The following HSPBAP1 variants were observed in gnomAD, a reference collection of about 807,000 sequenced individuals.
HSPBAP1 encodes the protein HSPB1 associated protein 1, also known as HSPB1-associated protein 1.
HSPBAP1 carries 27 observed loss-of-function variants against 45.2 expected under a neutral mutation model. The ratio of observed to expected loss-of-function variants is 0.60; its 90% CI spans 0.44 to 0.82. The LOEUF (loss-of-function observed/expected upper bound fraction) is 0.82. Among genes scored for constraint, HSPBAP1 ranks in the 40% least tolerant of loss-of-function variants. The pLI is 0.00. For synonymous variants in HSPBAP1, 204 were observed against 202.7 expected, an observed-to-expected ratio of 1.01 and a Z score of -0.06; for missense variants, 510 against 590.9, an observed-to-expected ratio of 0.86 and a Z score of 1.42.
At chr3:122,749,811 C>T (rs760538987) in intron 6 of HSPBAP1, among the ~76,000 whole-genome samples, 4 of 151,892 alleles carry the variant, frequency 2.6e-5, no homozygotes, top group Non-Finnish European at 4.4e-5. Flanking sequence ...GGGGTTTCAC[C>T]ATGTTGGCCA....
intron 6 of HSPBAP1, among the ~76,000 whole-genome samples, chr3:122,747,982 C>T (rs902301671): frequency 3.9e-5 from 6 of 152,132 alleles, no homozygotes; most frequent in Non-Finnish European, 5.9e-5. Context: ...GGATGGTTGC[C>T]GTGTCTGTGT....
intron 6 of HSPBAP1, among the ~76,000 whole-genome samples, chr3:122,747,894 A>G (rs1013232392): frequency 6.6e-6 from 1 of 152,188 alleles, no homozygotes. Context: ...CCAACAGCTC[A>G]TTGAGAACGG....
chr3:122,741,896 G>A (rs908453328), intron 6 of HSPBAP1: 1 of 152,072 alleles, frequency 6.6e-6, no homozygotes, highest in African/African-American at 2.4e-5. Context: ...GACATTGAGA[G>A]ACAAAAGTCT....
At chr3:122,777,951 T>C (rs1576267240) in intron 1 of HSPBAP1, 45 bp from the exon 2 acceptor site, 1 of 1,338,850 alleles carries the variant, frequency 7.5e-7, no homozygotes, top group Non-Finnish European at 1.0e-6. Flanking sequence ...AACTATCAAG[T>C]TTTTTCATAC....
At position 122,777,757 on chromosome 3, in the gene HSPBAP1, T is replaced by C. The variant is rs1479829701; in HGVS notation, c.214A>G (p.Ile72Val). Reference protein sequence around the residue: ...YLSQVLHGKQIRFRMGMKSMS... With the variant: ...YLSQVLHGKQVRFRMGMKSMS... ...CTTTTCATCCCCATTCTGAATCGTATCTGCTTGCCATGAAGGACCTGCGAA... is the reference window on the plus strand; with the variant it reads ...CTTTTCATCCCCATTCTGAATCGTACCTGCTTGCCATGAAGGACCTGCGAA... Residue 72 changes from isoleucine (I) to valine (V), a missense_variant, in exon 2 of 8, where the codon ATA becomes GTA. Coordinates refer to ENST00000306103, the MANE Select transcript of HSPBAP1 (RefSeq NM_024610.6). The C allele has an allele frequency of 1.2e-5, 19 of 1,613,932 alleles. No individual in the cohort carries two copies. Among genetic ancestry groups the C allele is most frequent in the Non-Finnish European group, 1.5e-5 (18 of 1,179,962 alleles).
At chr3:122,790,141 CA>C (rs1935779097) in intron 1 of HSPBAP1, among the ~76,000 whole-genome samples, 1 of 152,216 alleles carries the variant, frequency 6.6e-6, no homozygotes, top group Non-Finnish European at 1.5e-5. Flanking sequence ...GGATTACAGG[CA>C]TGCACCAGCA....
chr3:122,756,892 C>T (rs1422226684), intron 4 of HSPBAP1, among the ~76,000 whole-genome samples: 2 of 152,030 alleles, frequency 1.3e-5, no homozygotes, highest in Non-Finnish European at 1.5e-5. Flanking sequence ...TGATATGCTT[C>T]GAATGTTAGA....
At chr3:122,747,524 TCGGAGGGAGG>T (rs1933931876) in intron 6 of HSPBAP1, among the ~76,000 whole-genome samples, 1 of 130,516 alleles carries the variant, frequency 7.7e-6, no homozygotes, top group Non-Finnish European at 1.6e-5. Context: ...CCGCCCCGTC[TCGGAGGGAGG>T]TGGGGGTCAG....
chr3:122,747,845 G>T (rs1358935667), intron 6 of HSPBAP1, among the ~76,000 whole-genome samples: 1 of 152,076 alleles, frequency 6.6e-6, no homozygotes, highest in Non-Finnish European at 1.5e-5. Context: ...GAAGTGAGGA[G>T]CCCCTGTGCC....
intron 6 of HSPBAP1, among the ~76,000 whole-genome samples, chr3:122,747,891 C>T (rs1342777491): frequency 6.6e-6 from 1 of 152,178 alleles, no homozygotes; most frequent in Admixed American, 6.5e-5. Flanking sequence ...TACCCAACAG[C>T]TCATTGAGAA....
intron 6 of HSPBAP1, among the ~76,000 whole-genome samples, 168 bp downstream of exon 6, chr3:122,752,423 C>A (rs537712446): frequency 1.4e-4 from 21 of 152,176 alleles, no homozygotes; most frequent in Non-Finnish European, 2.2e-4. Flanking sequence ...ACCTAAACAT[C>A]CATTAACAGA....
At chr3:122,788,103 T>C (rs1050008670) in intron 1 of HSPBAP1, among the ~76,000 whole-genome samples, 1 of 152,174 alleles carries the variant, frequency 6.6e-6, no homozygotes, top group African/African-American at 2.4e-5. Context: ...AAGTTCAGGC[T>C]GGGCACCTGA....
intron 6 of HSPBAP1, among the ~76,000 whole-genome samples, chr3:122,750,263 G>A (rs1013467538): frequency 1.3e-5 from 2 of 152,212 alleles, no homozygotes; most frequent in African/African-American, 2.4e-5. Flanking sequence ...GTAAGCCACC[G>A]TGCCCGGCCT....
intron 6 of HSPBAP1, among the ~76,000 whole-genome samples, chr3:122,744,387 G>C (rs1933775721): frequency 6.6e-6 from 1 of 152,180 alleles, no homozygotes; most frequent in Admixed American, 6.5e-5. Context: ...AAGTATGGTA[G>C]GCTCTAAAAC....
chr3:122,764,875 T>G (rs1934720425), intron 3 of HSPBAP1, among the ~76,000 whole-genome samples: 1 of 152,180 alleles, frequency 6.6e-6, no homozygotes, highest in Non-Finnish European at 1.5e-5. Context: ...GCTTCTCAGG[T>G]AGATTCCATT....
chr3:122,755,100 G>T, intron 5 of HSPBAP1, 160 bp downstream of exon 5: 1 of 1,227,488 alleles, frequency 8.1e-7, no homozygotes, highest in Non-Finnish European at 1.0e-6. Context: ...TGTGTCTGAA[G>T]CCTACAACTG....
intron 4 of HSPBAP1, 126 bp from the exon 5 acceptor site, chr3:122,755,557 C>T (rs2107508994): frequency 1.6e-6 from 1 of 626,890 alleles, no homozygotes; most frequent in East Asian, 3.3e-5. Context: ...AATATAGGCA[C>T]CATCAGTGGT....
intron 6 of HSPBAP1, among the ~76,000 whole-genome samples, chr3:122,746,085 C>T (rs1429409838): frequency 1.3e-5 from 2 of 151,868 alleles, no homozygotes; most frequent in Non-Finnish European, 2.9e-5. Context: ...ATATATCCCC[C>T]GAGGATAAGG....
At chr3:122,792,203 A>C (rs763713340) in intron 1 of HSPBAP1, among the ~76,000 whole-genome samples, 1 of 152,196 alleles carries the variant, frequency 6.6e-6, no homozygotes, top group Non-Finnish European at 1.5e-5. Flanking sequence ...AATATTCAAG[A>C]GTTTGGCCAT....
Sources: allele counts gnomAD v4.1 joint callset (sites outside exome capture counted in the v4.1 genomes callset), GRCh38; gene constraint gnomAD v4.1.1; transcripts MANE v1.5; gene names NCBI Gene and HGNC (gene_info 2026-07-23, HGNC 2026-07-21).